Variants in TULP4 observed in about 807,000 individuals in gnomAD.
The protein encoded by TULP4 is tubby-related protein 4.
TULP4 carries 16 observed loss-of-function variants against 129.0 expected under a neutral mutation model. That is an observed-to-expected ratio of 0.12 (90% confidence interval 0.08 to 0.19). The LOEUF is 0.19. Ranked by LOEUF, TULP4 falls within the 10% of genes least tolerant of loss-of-function variation. The pLI is 1.00. For missense variants in TULP4, 1,842 were observed against 2,059.1 expected (o/e 0.89, Z 2.04); for synonymous variants, 998 against 854.0 (o/e 1.17, Z -2.94).
intron 1 of TULP4, among the ~76,000 whole-genome samples, chr6:158,402,362 A>G (rs1445738555): frequency 6.6e-6 from 1 of 151,818 alleles, no homozygotes; most frequent in Non-Finnish European, 1.5e-5. Flanking sequence ...CTCAGCTGTT[A>G]TCTGAATTAG....
chr6:158,246,020 A>AG (rs35127073), intron 1 of TULP4, among the ~76,000 whole-genome samples: 3 of 102,918 alleles, frequency 2.9e-5, no homozygotes, highest in African/African-American at 3.5e-5. Context: ...CCTACCCCTT[A>AG]GGGGTGTGTG....
chr6:158,328,079 GGTGTGT>G (rs766393090), intron 1 of TULP4, among the ~76,000 whole-genome samples: 1,531 of 120,560 alleles, frequency 0.013, 10 homozygotes, highest in African/African-American at 0.024. Context: ...TCTCAGAGCT[GGTGTGT>G]GTGTGTGTGT....
intron 1 of TULP4, among the ~76,000 whole-genome samples, chr6:158,243,846 AGGT>A (rs1166256392): frequency 1.2e-5 from 1 of 85,748 alleles, no homozygotes; most frequent in Non-Finnish European, 2.3e-5. Flanking sequence ...TAGCTGAAAT[AGGT>A]GTGTGTGTGT....
In TULP4 at chr6:158,314,209, C is replaced by T. The variant is rs771400781; in HGVS notation, c.193C>T (p.Arg65Cys). The part of the protein sequence containing the change: ...VGVTFTSSHC[R>C]RDRSTPQRIN... ...GGTGACTTTCACCTCTAGTCACTGT[C>T]GCAGGGACAGGAGTACTCCACAGAG... Residue 65 changes from arginine to cysteine, a missense_variant, in exon 1 of 14, where the codon CGC becomes TGC. Arg to Cys is a radical substitution (Grantham distance 180, BLOSUM62 -3). Transcript: ENST00000367097. 8.7e-6 allele frequency: 14 copies of T among 1,614,016 alleles called. No homozygotes were observed. Among genetic ancestry groups the T allele is most frequent in the Middle Eastern group, 1.6e-4 (1 of 6,084 alleles).
chr6:158,244,918 G>A (rs535410789), intron 1 of TULP4, among the ~76,000 whole-genome samples: 1 of 152,178 alleles, frequency 6.6e-6, no homozygotes, highest in East Asian at 1.9e-4. Context: ...CTCAGTTTAT[G>A]GTTTTATCGC....
At chr6:158,377,465 G>A (rs1012905778) in intron 1 of TULP4, among the ~76,000 whole-genome samples, 1 of 152,326 alleles carries the variant, frequency 6.6e-6, no homozygotes, top group Admixed American at 6.5e-5. Context: ...AAGTTTAAAG[G>A]TAATCCATTT....
At chr6:158,395,232 A>AT (rs1777679329) in intron 1 of TULP4, among the ~76,000 whole-genome samples, 1 of 152,088 alleles carries the variant, frequency 6.6e-6, no homozygotes, top group African/African-American at 2.4e-5. Context: ...GATCTGTAAA[A>AT]TTTCAGCAGT....
chr6:158,480,915 C>T (rs1779927061), intron 7 of TULP4, 140 bp from the exon 8 acceptor site: 3 of 679,290 alleles, frequency 4.4e-6, no homozygotes, highest in African/African-American at 3.6e-5. Flanking sequence ...CACATAGTTA[C>T]CCTCTTCCCC....
chr6:158,242,463 C>T (rs3812101), intron 1 of TULP4: 354,644 of 923,962 alleles, frequency 0.38, 70,191 homozygotes, highest in Admixed American at 0.49. Context: ...GTGTTCCAAA[C>T]GGTGTAACAC....
chr6:158,338,728 G>A (rs981465389), intron 1 of TULP4, among the ~76,000 whole-genome samples: 1 of 152,216 alleles, frequency 6.6e-6, no homozygotes, highest in African/African-American at 2.4e-5. Context: ...CTACTTTGGG[G>A]TAGAGCCAGG....
intron 1 of TULP4, among the ~76,000 whole-genome samples, chr6:158,289,300 T>C (rs942294527): frequency 6.6e-6 from 1 of 152,206 alleles, no homozygotes; most frequent in Non-Finnish European, 1.5e-5. Context: ...CTGCTCTGTC[T>C]TTATCTATCT....
At chr6:158,379,307 A>G (rs906187592) in intron 1 of TULP4, among the ~76,000 whole-genome samples, 7 of 152,160 alleles carry the variant, frequency 4.6e-5, no homozygotes, top group African/African-American at 1.7e-4. Context: ...GTGGTAGGGA[A>G]GTTTTCTCAA....
intron 1 of TULP4, among the ~76,000 whole-genome samples, chr6:158,328,190 G>T (rs1331646971): frequency 2.0e-5 from 3 of 151,402 alleles, no homozygotes; most frequent in Non-Finnish European, 4.4e-5. Flanking sequence ...GGAGGAGGGA[G>T]GAGGAGGAGC....
chr6:158,400,955 C>T (rs1163576315), intron 1 of TULP4, among the ~76,000 whole-genome samples: 1 of 152,096 alleles, frequency 6.6e-6, no homozygotes, highest in Non-Finnish European at 1.5e-5. Context: ...AGGCTATGTA[C>T]TCAAGTAAGT....
intron 1 of TULP4, among the ~76,000 whole-genome samples, chr6:158,382,018 G>A (rs12192346): frequency 6.6e-6 from 1 of 152,062 alleles, no homozygotes; most frequent in Non-Finnish European, 1.5e-5. Flanking sequence ...TTGACATCTG[G>A]CATAATAAAC....
At chr6:158,334,854 C>A (rs1030498422) in intron 1 of TULP4, among the ~76,000 whole-genome samples, 1 of 152,200 alleles carries the variant, frequency 6.6e-6, no homozygotes, top group African/African-American at 2.4e-5. Flanking sequence ...CTTTATTTCT[C>A]TGTTCTGCTC....
chr6:158,264,411 G>A (rs1778412136), intron 1 of TULP4, among the ~76,000 whole-genome samples: 1 of 152,110 alleles, frequency 6.6e-6, no homozygotes, highest in Non-Finnish European at 1.5e-5. Context: ...TACTTTATTT[G>A]CACATCAGTC....
At chr6:158,403,794 G>A (rs544447835) in intron 1 of TULP4, among the ~76,000 whole-genome samples, 9 of 152,196 alleles carry the variant, frequency 5.9e-5, no homozygotes, top group Non-Finnish European at 1.2e-4. Flanking sequence ...CTTGTAGTCA[G>A]TCAGCTAGTT....
At chr6:158,494,877 C>G (rs747969378) in intron 11 of TULP4, 31 bp downstream of exon 11, 1 of 1,592,932 alleles carries the variant, frequency 6.3e-7, no homozygotes, top group Admixed American at 1.7e-5. Flanking sequence ...TCTCATTGTC[C>G]CAGTTGGAAC....
Sources: gnomAD v4.1 joint callset for allele counts (sites outside exome capture counted in the v4.1 genomes callset) on GRCh38, gnomAD v4.1.1 for gene constraint, MANE v1.5 for transcripts, NCBI Gene and HGNC (gene_info 2026-07-23, HGNC 2026-07-21) for gene names.